LARP4B: variants seen among roughly 807,000 people sequenced by gnomAD.
The protein encoded by LARP4B is La ribonucleoprotein 4B.
LARP4B carries 12 observed loss-of-function variants against 89.8 expected under a neutral mutation model. The ratio of observed to expected loss-of-function variants is 0.13; its 90% CI spans 0.09 to 0.22. The LOEUF (loss-of-function observed/expected upper bound fraction) is 0.22. Among genes scored for constraint, LARP4B ranks in the 10% least tolerant of loss-of-function variants. The pLI, the probability that LARP4B is intolerant of heterozygous loss-of-function variation, is 1.00. For synonymous variants in LARP4B, 367 were observed against 363.3 expected (o/e 1.01, Z -0.12); for missense variants, 757 against 947.7 (o/e 0.80, Z 2.64).
chr10:909,408 G>A (rs1836605302), intron 1 of LARP4B, among the ~76,000 whole-genome samples: 1 of 151,540 alleles, frequency 6.6e-6, no homozygotes, highest in Admixed American at 6.6e-5. Flanking sequence ...CTGCAGACCA[G>A]AATTGTTTCC....
intron 5 of LARP4B, among the ~76,000 whole-genome samples, chr10:861,619 T>A (rs528492343): frequency 2.0e-4 from 30 of 152,264 alleles, no homozygotes; most frequent in Non-Finnish European, 2.1e-4. Context: ...CTATCTTCTA[T>A]CTTCAGATAG....
In LARP4B at chr10:842,890, T is replaced by C. The variant is rs778116210; in HGVS notation, c.646+42A>G. 2.5e-6 allele frequency: 4 copies of C among 1,585,678 alleles called. No individual in the cohort carries two copies. The South Asian group carries it at 3.3e-5, about 13-fold the overall frequency. On this transcript the variant is annotated intron_variant, in intron 7 of 17. Transcript: ENST00000316157. Reference sequence around the variant, plus strand: ...AGGTTCATGCTGATAAGACAAATACTCTAAGGACAAGTATTATTAATTTAA... The same window carrying C: ...AGGTTCATGCTGATAAGACAAATACCCTAAGGACAAGTATTATTAATTTAA...
intron 14 of LARP4B, chr10:819,099 T>C (rs1453110581): frequency 1.3e-5 from 2 of 152,236 alleles, no homozygotes; most frequent in Non-Finnish European, 2.9e-5. Context: ...CTCTGTAACC[T>C]AGTATTGTGA....
At chr10:975,615 G>A in the LARP4B span, among the ~76,000 whole-genome samples, 1 of 152,242 alleles carries the variant, frequency 6.6e-6, no homozygotes, top group African/African-American at 2.4e-5. Flanking sequence ...CTCTTGGGGT[G>A]GACGTGACAG....
the LARP4B span, among the ~76,000 whole-genome samples, chr10:937,850 A>G: frequency 1.1e-4 from 16 of 152,170 alleles, no homozygotes; most frequent in African/African-American, 3.9e-4. Context: ...CGCTGTGATT[A>G]ACATTACTGG....
chr10:962,715 C>T, the LARP4B span, among the ~76,000 whole-genome samples: 1 of 152,162 alleles, frequency 6.6e-6, no homozygotes, highest in South Asian at 2.1e-4. Flanking sequence ...CAGGTAAGCT[C>T]TTGAAAAGCA....
At position 810,592 on chromosome 10, in the gene LARP4B, T is replaced by C. The variant is rs932347866; in HGVS notation, c.*2334A>G. 6.6e-6 allele frequency: 1 copy of C among 152,174 alleles called. No individual in the cohort carries two copies. Among genetic ancestry groups the C allele is most frequent in the Non-Finnish European group, 1.5e-5 (1 of 68,034 alleles). 9.4% of individuals were successfully genotyped at this position (152,174 alleles called of 1,614,324 possible). ...CACACTGCGCTGCAATGCTCACACCTTGGGGGAAAGGACTTCTCATTATTA... is the reference window on the plus strand; with the variant it reads ...CACACTGCGCTGCAATGCTCACACCCTGGGGGAAAGGACTTCTCATTATTA... On this transcript the variant is annotated 3_prime_UTR_variant, in exon 18 of 18. Coordinates refer to ENST00000316157, the MANE Select transcript of LARP4B (RefSeq NM_015155.3).
chr10:934,006 G>C (rs1564453261), upstream of LARP4B, among the ~76,000 whole-genome samples: 3 of 151,712 alleles, frequency 2.0e-5, no homozygotes, highest in African/African-American at 7.3e-5. Flanking sequence ...CTAATTTTTT[G>C]TATTTTTAGT....
the LARP4B span, among the ~76,000 whole-genome samples, chr10:966,375 G>A: frequency 0.76 from 115,823 of 152,126 alleles, 44,423 homozygotes; most frequent in East Asian, 0.9. Flanking sequence ...AGGATCACTT[G>A]AGCCCAGGAG....
At chr10:929,836 A>T (rs1837251723) in intron 1 of LARP4B, among the ~76,000 whole-genome samples, 1 of 152,240 alleles carries the variant, frequency 6.6e-6, no homozygotes, top group Admixed American at 6.5e-5. Context: ...ATTTCTAACC[A>T]ATGCAAGTTT....
intron 1 of LARP4B, among the ~76,000 whole-genome samples, chr10:930,497 C>T (rs542768538): frequency 7.9e-5 from 12 of 152,282 alleles, no homozygotes; most frequent in African/African-American, 2.2e-4. Flanking sequence ...TTCATCTCAG[C>T]CAAGTTTTAA....
At chr10:820,764 A>C in intron 14 of LARP4B, 36 bp downstream of exon 14, 1 of 1,551,032 alleles carries the variant, frequency 6.4e-7, no homozygotes, top group Non-Finnish European at 8.8e-7. Context: ...TTAGATTTAA[A>C]TGTCTTGTGA....
the LARP4B span, among the ~76,000 whole-genome samples, chr10:969,306 C>T: frequency 2.0e-5 from 3 of 152,284 alleles, no homozygotes; most frequent in African/African-American, 7.2e-5. Flanking sequence ...CTCCAAGTGA[C>T]GGTTCAGACT....
intron 1 of LARP4B, among the ~76,000 whole-genome samples, chr10:900,300 T>A (rs916647661): frequency 6.6e-6 from 1 of 151,482 alleles, no homozygotes; most frequent in Non-Finnish European, 1.5e-5. Context: ...TGAGCCAAGA[T>A]CGCACCATTG....
intron 1 of LARP4B, among the ~76,000 whole-genome samples, chr10:926,762 C>A (rs116986336): frequency 6.6e-6 from 1 of 152,176 alleles, no homozygotes; most frequent in Non-Finnish European, 1.5e-5. Context: ...CATGGCCGGG[C>A]GCAGTGGCTC....
At chr10:849,954 G>A (rs1456250646) in intron 5 of LARP4B, among the ~76,000 whole-genome samples, 1 of 152,206 alleles carries the variant, frequency 6.6e-6, no homozygotes, top group Non-Finnish European at 1.5e-5. Context: ...GCCAAGAGGA[G>A]CCTAAGGAGA....
intron 1 of LARP4B, among the ~76,000 whole-genome samples, chr10:891,124 C>T (rs11253495): frequency 0.15 from 23,245 of 151,456 alleles, 1,907 homozygotes; most frequent in Non-Finnish European, 0.19. Flanking sequence ...ACCAACAATA[C>T]CATATATGAA....
chr10:954,513 C>A, the LARP4B span, among the ~76,000 whole-genome samples: 1 of 152,016 alleles, frequency 6.6e-6, no homozygotes, highest in Non-Finnish European at 1.5e-5. The surrounding 1 kb of genome is among the most constrained non-coding windows in gnomAD (Gnocchi z 5.0). Context: ...AGAAGAGGTG[C>A]GAAAAGTTGG....
rs762198168 is a variant in LARP4B at position 814,396 on chromosome 10, C to T, written c.1929+346G>A. The T allele has an allele frequency of 3.8e-5, 14 of 368,458 alleles. No homozygotes were observed. Among genetic ancestry groups the T allele is most frequent in the Non-Finnish European group, 7.1e-5 (13 of 182,792 alleles). 22.8% of individuals were successfully genotyped at this position (368,458 alleles called of 1,614,324 possible). On this transcript the variant is annotated intron_variant, in intron 17 of 17. Transcript: ENST00000316157. The surrounding 1 kb of genome is among the most constrained non-coding windows in gnomAD (Gnocchi z 4.4). Reference sequence around the variant, plus strand: ...CTGTCTCTTCATCAGACACACGATGCGCGCGCACGCACGCAAACATACACA... The same window carrying T: ...CTGTCTCTTCATCAGACACACGATGTGCGCGCACGCACGCAAACATACACA...
Sources: allele counts gnomAD v4.1 joint callset (sites outside exome capture counted in the v4.1 genomes callset), GRCh38; gene constraint gnomAD v4.1.1; non-coding constraint Gnocchi (gnomAD v3.1); transcripts MANE v1.5; gene names NCBI Gene and HGNC (gene_info 2026-07-23, HGNC 2026-07-21).